GLIS3: variants seen among roughly 807,000 people sequenced by gnomAD.
GLIS3 encodes the protein zinc finger protein GLIS3.
In GLIS3, 53 loss-of-function variants were observed where a neutral mutation model predicts 78.6. That is an observed-to-expected ratio of 0.67 (90% CI 0.54 to 0.85). The LOEUF is 0.85. Ranked by LOEUF, GLIS3 falls within the 40% of genes least tolerant of loss-of-function variation. GLIS3 has a pLI of 0.00. For synonymous variants in GLIS3, 684 were observed against 509.9 expected, an observed-to-expected ratio of 1.34 and a Z score of -4.60; for missense variants, 1,703 against 1,231.1, an observed-to-expected ratio of 1.38 and a Z score of -5.74.
At chr9:4,040,372 T>C (rs1354084839) in intron 4 of GLIS3, among the ~76,000 whole-genome samples, 1 of 152,122 alleles carries the variant, frequency 6.6e-6, no homozygotes, top group East Asian at 1.9e-4. Flanking sequence ...TATTAATTCA[T>C]TGTTTGAAAA....
chr9:4,178,472 C>T (rs1048543974), intron 2 of GLIS3, among the ~76,000 whole-genome samples: 1 of 152,160 alleles, frequency 6.6e-6, no homozygotes, highest in Non-Finnish European at 1.5e-5. Context: ...CTAGAAAAAT[C>T]TGCAGCTAGG....
intron 9 of GLIS3, chr9:3,855,558 C>G: frequency 4.4e-6 from 1 of 225,570 alleles, no homozygotes; most frequent in East Asian, 1.1e-4. Context: ...ATGACATCAG[C>G]TGGGGGATCA....
chr9:4,034,239 G>C (rs1289389844), intron 4 of GLIS3, among the ~76,000 whole-genome samples: 2 of 151,996 alleles, frequency 1.3e-5, no homozygotes, highest in African/African-American at 4.8e-5. Context: ...AGTCGTAACA[G>C]ATCCCCAGAA....
intron 2 of GLIS3, among the ~76,000 whole-genome samples, chr9:4,313,097 A>C (rs924885335): frequency 4.6e-5 from 7 of 152,200 alleles, no homozygotes; most frequent in Non-Finnish European, 4.4e-5. Context: ...CTCAAACTGA[A>C]TTCCACATAC....
intron 2 of GLIS3, among the ~76,000 whole-genome samples, chr9:4,159,084 A>G (rs1006483409): frequency 4.7e-5 from 7 of 150,530 alleles, no homozygotes; most frequent in Non-Finnish European, 1.0e-4. Context: ...GCAAGGGAGA[A>G]TGTGGTACCA....
At chr9:4,028,842 C>T (rs17703489) in intron 4 of GLIS3, among the ~76,000 whole-genome samples, 35,204 of 152,084 alleles carry the variant, frequency 0.23, 4,915 homozygotes, top group Non-Finnish European at 0.33. Context: ...ACATTGATAG[C>T]AGTGAAGATA....
the GLIS3 span, among the ~76,000 whole-genome samples, chr9:4,394,529 T>C: frequency 6.6e-6 from 1 of 152,100 alleles, no homozygotes; most frequent in South Asian, 2.1e-4. Context: ...AAGCTTTAAT[T>C]TGGTGATGCT....
At chr9:4,009,019 C>A (rs16920361) in intron 4 of GLIS3, among the ~76,000 whole-genome samples, 14,850 of 152,172 alleles carry the variant, frequency 0.098, 834 homozygotes, top group South Asian at 0.17. Flanking sequence ...TGAACCGGAG[C>A]CACACATGCA....
intron 4 of GLIS3, among the ~76,000 whole-genome samples, chr9:3,981,464 C>A (rs929574240): frequency 2.6e-5 from 4 of 152,114 alleles, no homozygotes; most frequent in Non-Finnish European, 5.9e-5. Context: ...GGTCAGGCGG[C>A]AGCTCAGCCA....
At chr9:4,163,244 G>GCACACA (rs59165297) in intron 2 of GLIS3, among the ~76,000 whole-genome samples, 55 of 151,656 alleles carry the variant, frequency 3.6e-4, no homozygotes, top group South Asian at 1.5e-3. Flanking sequence ...ATGTGCACTG[G>GCACACA]CACACACACA....
In GLIS3 at chr9:4,341,848, C is replaced by A. The variant is rs544537591; in HGVS notation, n.264+5233G>T. 1.4e-3 allele frequency among the ~76,000 whole-genome samples: 218 copies of A among 152,262 alleles called. 1 individual carries two copies. The highest frequency in any genetic ancestry group is 5.1e-3 in the African/African-American group (212 of 41,558). On this transcript the variant is annotated intron_variant and non_coding_transcript_variant, in intron 2 of 4. Transcript: ENST00000471664. The stretch of plus-strand genomic sequence containing the variant: ...CTTTTTCCCACGTTACTGATTAAAT[C>A]TCATAACAGTTAAGCATACTACATG...
intron 6 of GLIS3, among the ~76,000 whole-genome samples, chr9:3,905,233 G>C (rs778470255): frequency 7.0e-6 from 1 of 142,634 alleles, no homozygotes; most frequent in Non-Finnish European, 1.5e-5. Context: ...CTTGTGATCC[G>C]TCCGCCTCGG....
intron 2 of GLIS3, among the ~76,000 whole-genome samples, chr9:4,317,969 C>A (rs570212146): frequency 6.6e-6 from 1 of 152,326 alleles, no homozygotes; most frequent in African/African-American, 2.4e-5. Context: ...AGCACATCTA[C>A]ATGGTAAAAT....
chr9:4,257,586 T>TTGTTGTTGTTG (rs376998444), intron 2 of GLIS3, among the ~76,000 whole-genome samples: 18,193 of 150,380 alleles, frequency 0.12, 1,292 homozygotes, highest in Middle Eastern at 0.18. Flanking sequence ...GTTGTTGTTA[T>TTGTTGTTGTTG]TTTTTGAGAC....
intron 2 of GLIS3, among the ~76,000 whole-genome samples, chr9:4,275,931 T>G (rs1264714179): frequency 6.6e-6 from 1 of 152,116 alleles, no homozygotes; most frequent in Non-Finnish European, 1.5e-5. Flanking sequence ...TATGAAAGTT[T>G]GTGAACTACA....
In GLIS3 at chr9:3,825,012, C is replaced by T. The variant is rs1817655618; in HGVS notation, c.*3260G>A. 1 of 150,422 alleles carries T rather than the reference C, an allele frequency of 6.6e-6. No individual in the cohort carries two copies. The highest frequency in any genetic ancestry group is 1.5e-5 in the Non-Finnish European group (1 of 67,854). The allele number at this position is 150,422 out of a possible 1,614,324, so 9.3% of individuals were successfully genotyped here. On this transcript the variant is annotated 3_prime_UTR_variant, in exon 11 of 11. Transcript: ENST00000381971. The stretch of plus-strand genomic sequence containing the variant: ...CTTCCATAAAATGACATGGCCAAGA[C>T]AGTCAAATAAAATACCAAATAATTA...
intron 2 of GLIS3, among the ~76,000 whole-genome samples, chr9:4,203,764 T>G: frequency 6.6e-6 from 1 of 152,182 alleles, no homozygotes; most frequent in Non-Finnish European, 1.5e-5. Context: ...CACTATGGAA[T>G]AGTACACAGC....
intron 2 of GLIS3, among the ~76,000 whole-genome samples, chr9:4,237,412 C>G (rs1015094482): frequency 1.1e-4 from 17 of 152,162 alleles, no homozygotes; most frequent in African/African-American, 3.6e-4. Context: ...AATATAACTA[C>G]AGGTATTTTA....
At chr9:4,038,643 C>T (rs1197163469) in intron 4 of GLIS3, among the ~76,000 whole-genome samples, 2 of 152,206 alleles carry the variant, frequency 1.3e-5, no homozygotes, top group Non-Finnish European at 2.9e-5. Context: ...CTGCAAACCA[C>T]TGTGCTAGCA....
Sources: gnomAD v4.1 joint callset for allele counts (sites outside exome capture counted in the v4.1 genomes callset) on GRCh38, gnomAD v4.1.1 for gene constraint, MANE v1.5 for transcripts, NCBI Gene and HGNC (gene_info 2026-07-23, HGNC 2026-07-21) for gene names.